ABCC2: variants seen among roughly 807,000 people sequenced by gnomAD.
ABCC2 encodes the protein ATP-binding cassette sub-family C member 2.
A neutral mutation model predicts 173.4 loss-of-function variants in ABCC2; 157 were observed. The ratio of observed to expected loss-of-function variants is 0.91; its 90% CI spans 0.80 to 1.03. The LOEUF is 1.03. Ranked by LOEUF, ABCC2 falls within the 50% of genes least tolerant of loss-of-function variation. ABCC2 has a pLI of 0.00. For synonymous variants in ABCC2, 657 were observed against 693.5 expected (o/e 0.95, Z 0.83); for missense variants, 1,822 against 1,852.3 (o/e 0.98, Z 0.30).
chr10:99,793,083 T>G (rs1319127130), intron 3 of ABCC2, among the ~76,000 whole-genome samples: 1 of 152,104 alleles, frequency 6.6e-6, no homozygotes, highest in Admixed American at 6.6e-5. Flanking sequence ...AAATCAACAT[T>G]TAATTTATTA....
chr10:99,833,538 G>A (rs1296345719), intron 23 of ABCC2, among the ~76,000 whole-genome samples: 1 of 152,160 alleles, frequency 6.6e-6, no homozygotes, highest in Non-Finnish European at 1.5e-5. Flanking sequence ...GTGGAGGAAG[G>A]AAAGATGGAG....
chr10:99,834,078 C>T (rs1475887978), intron 23 of ABCC2, among the ~76,000 whole-genome samples: 1 of 152,146 alleles, frequency 6.6e-6, no homozygotes, highest in Non-Finnish European at 1.5e-5. Flanking sequence ...GATGGGATTT[C>T]ACCATGTTGG....
intron 16 of ABCC2, among the ~76,000 whole-genome samples, chr10:99,814,238 T>TATACACAC (rs1388607516): frequency 8.0e-5 from 5 of 62,890 alleles, no homozygotes; most frequent in Non-Finnish European, 1.3e-4. Flanking sequence ...CATGTGTATA[T>TATACACAC]ATGCACACAC....
At chr10:99,814,395 GTA>G (rs1174433289) in intron 16 of ABCC2, among the ~76,000 whole-genome samples, 7 of 134,358 alleles carry the variant, frequency 5.2e-5, no homozygotes, top group Non-Finnish European at 9.6e-5. Flanking sequence ...ACATATATGG[GTA>G]TATATACACA....
In ABCC2 at chr10:99,810,014, G is replaced by T; in HGVS notation, c.1816-120G>T. 6 of 872,436 alleles carry T rather than the reference G, an allele frequency of 6.9e-6. No individual in the cohort carries two copies. In the South Asian group the frequency reaches 8.4e-5, roughly 12 times the overall value. 54.0% of individuals were successfully genotyped at this position (872,436 alleles called of 1,614,324 possible). On this transcript the variant is annotated intron_variant, in intron 13 of 31. Coordinates refer to ENST00000647814, the MANE Select transcript of ABCC2 (RefSeq NM_000392.5). ...ATAGCTTCCGGGGCTGAGTTCGGTG[G>T]AGATTAGGAGATGCCAGCTGTGGCA... is the stretch of plus-strand genomic sequence containing the variant.
chr10:99,798,167 A>G (rs2037953859), intron 7 of ABCC2: 1 of 152,266 alleles, frequency 6.6e-6, no homozygotes, highest in South Asian at 2.1e-4. Flanking sequence ...TCATGCTGTG[A>G]AAAGCTTACT....
Position 99,846,074 on chromosome 10 carries a change from CTT to C in ABCC2, c.4146+295_4146+296del, listed in dbSNP as rs2039012866. ...CTATAGCCCATCACGGTTTGCAAGA[CTT>C]TTGCAATCAGCATTAGCAGTTTTGC... On this transcript the variant is annotated intron_variant, in intron 29 of 31. Coordinates refer to ENST00000647814, the MANE Select transcript of ABCC2 (RefSeq NM_000392.5). 2.6e-5 allele frequency among the ~76,000 whole-genome samples: 4 copies of C among 152,316 alleles called. No individual in the cohort carries two copies. In the South Asian group the frequency reaches 8.3e-4, roughly 32 times the overall value.
chr10:99,811,480 G>A, intron 14 of ABCC2, 56 bp from the exon 15 acceptor site: 2 of 1,542,640 alleles, frequency 1.3e-6, no homozygotes, highest in South Asian at 1.1e-5. Context: ...GACACGTGAG[G>A]GCAGACAGTC....
chr10:99,834,533 C>G lies in ABCC2; in HGVS notation c.3412C>G (p.Gln1138Glu). ...TCTTGGCATTATTTATGTATCTGTT[C>G]AGGTAGGTTTGGAAATGGCTAAGTC... The part of the protein sequence containing the change: ...IPLGIIYVSV[Q>E]MFYVSTSRQL... The change falls in exon 24 of 32, where the codon CAG becomes GAG. Residue 1138 changes from glutamine (Q) to glutamate (E), a missense_variant and splice_region_variant. Gln to Glu is a conservative substitution (Grantham distance 29). Coordinates refer to ENST00000647814, the MANE Select transcript of ABCC2 (RefSeq NM_000392.5). The G allele has an allele frequency of 6.2e-7, 1 of 1,614,106 alleles. No homozygotes were observed. The highest frequency in any genetic ancestry group is 8.5e-7 in the Non-Finnish European group (1 of 1,179,992).
At chr10:99,845,168 T>G (rs1369588373) in intron 28 of ABCC2, among the ~76,000 whole-genome samples, 1 of 152,124 alleles carries the variant, frequency 6.6e-6, no homozygotes, top group Non-Finnish European at 1.5e-5. Flanking sequence ...TAGCTGGGAC[T>G]ACAGGTGCAC....
At position 99,797,242 on chromosome 10, in the gene ABCC2, C is replaced by T. The variant is rs370287805; in HGVS notation, c.778C>T (p.Arg260Trp). ...GAAAGCCAGGCGGGCACTCCAGAGA[C>T]GGCAGGAGAAGAGCTCCCAGCAGAA... Reference protein sequence around the residue: ...LQKARRALQRRQEKSSQQNSG... With the variant: ...LQKARRALQRWQEKSSQQNSG... The change falls in exon 7 of 32, where the codon CGG (arginine) becomes TGG (tryptophan). Residue 260 changes from arginine to tryptophan, a missense_variant. Coordinates refer to ENST00000647814, the MANE Select transcript of ABCC2 (RefSeq NM_000392.5). The T allele has an allele frequency of 5.2e-5, 84 of 1,613,944 alleles. No homozygotes were observed. The highest frequency in any genetic ancestry group is 1.7e-4 in the Admixed American group (10 of 59,992).
intron 2 of ABCC2, among the ~76,000 whole-genome samples, chr10:99,788,066 CAA>C (rs59849924): frequency 0.59 from 86,714 of 147,008 alleles, 25,303 homozygotes; most frequent in East Asian, 0.75. Flanking sequence ...GACCCTGTCT[CAA>C]AAAAAAAAAG....
Position 99,844,370 on chromosome 10 carries a change from G to A in ABCC2, c.3892G>A (p.Gly1298Ser), listed in dbSNP as rs778029064. ...GCCTCCGCCAGATTGGCCCAGCAAA[G>A]GCAAGATCCAGTTTAACAACTACCA... The part of the protein sequence containing the change: ...KRPPPDWPSK[G>S]KIQFNNYQVR... The change falls in exon 28 of 32, where the codon GGC (glycine) becomes AGC (serine). Residue 1298 changes from glycine (G) to serine (S), a missense_variant. Transcript: ENST00000647814. 29 of 1,614,220 alleles carry A rather than the reference G, an allele frequency of 1.8e-5. 1 individual carries two copies. The South Asian group carries it at 3.2e-4, about 18-fold the overall frequency.
chr10:99,803,818 G>A (rs899775068), intron 9 of ABCC2, among the ~76,000 whole-genome samples: 5 of 152,172 alleles, frequency 3.3e-5, no homozygotes, highest in African/African-American at 1.2e-4. Flanking sequence ...TTGGAGGAAG[G>A]TGGGAATAAG....
At chr10:99,785,491 AT>A (rs989906078) in intron 2 of ABCC2, among the ~76,000 whole-genome samples, 13 of 150,776 alleles carry the variant, frequency 8.6e-5, no homozygotes, top group South Asian at 2.1e-4. Context: ...TCTTTTCACT[AT>A]TTTTTTTTCT....
intron 2 of ABCC2, among the ~76,000 whole-genome samples, chr10:99,786,489 C>G (rs2037712411): frequency 6.6e-6 from 1 of 152,182 alleles, no homozygotes. Context: ...AAACCAATAT[C>G]CCATCCTAAT....
chr10:99,817,173 G>C (rs1315623334), intron 16 of ABCC2, 135 bp from the exon 17 acceptor site: 3 of 785,108 alleles, frequency 3.8e-6, no homozygotes, highest in Non-Finnish European at 4.4e-6. Context: ...ATACATATCA[G>C]ATCCTCAGTC....
At chr10:99,810,001 G>A in intron 13 of ABCC2, 133 bp from the exon 14 acceptor site, 1 of 770,866 alleles carries the variant, frequency 1.3e-6, no homozygotes, top group South Asian at 1.5e-5. Context: ...AGCTTCCGGG[G>A]CTGAGTTCGG....
intron 16 of ABCC2, among the ~76,000 whole-genome samples, chr10:99,814,250 T>C (rs2038296704): frequency 1.4e-5 from 1 of 69,588 alleles, no homozygotes; most frequent in Admixed American, 1.3e-4. Context: ...TGCACACACG[T>C]ATGTATACAC....
Sources: gnomAD v4.1 joint callset for allele counts (sites outside exome capture counted in the v4.1 genomes callset) on GRCh38, gnomAD v4.1.1 for gene constraint, MANE v1.5 for transcripts, NCBI Gene and HGNC (gene_info 2026-07-23, HGNC 2026-07-21) for gene names.